Variants in PHAX observed in about 807,000 individuals in gnomAD.
PHAX encodes the protein phosphorylated adapter RNA export protein.
A neutral mutation model predicts 41.6 loss-of-function variants in PHAX; 31 were observed. The ratio of observed to expected loss-of-function variants is 0.75; its 90% confidence interval spans 0.56 to 1.01. The LOEUF is 1.01. Ranked by LOEUF, PHAX falls within the 50% of genes least tolerant of loss-of-function variation. PHAX has a pLI of 0.00. For missense variants in PHAX, 453 were observed against 472.9 expected (o/e 0.96, Z 0.39); for synonymous variants, 175 against 164.9 (o/e 1.06, Z -0.47).
At chr5:126,601,726 G>T (rs1751907323) in intron 1 of PHAX, among the ~76,000 whole-genome samples, 2 of 152,074 alleles carry the variant, frequency 1.3e-5, no homozygotes, top group Admixed American at 6.5e-5. Context: ...GAGTGCAGTG[G>T]CGCGATCTCG....
At chr5:126,623,150 A>G (rs1002091382) in intron 4 of PHAX, among the ~76,000 whole-genome samples, 2 of 152,004 alleles carry the variant, frequency 1.3e-5, no homozygotes, top group Non-Finnish European at 2.9e-5. Flanking sequence ...AAGAAAAAAA[A>G]TAAGAATGTA....
In PHAX at chr5:126,624,775, T is replaced by G; in HGVS notation, c.1116T>G (p.His372Gln). ...CTCTTGATGAGTCACAGGAAGGACA[T>G]GCAGAAGCCAAGTTGGAGGCAGAGG... Reference protein sequence around the residue: ...LASLDESQEGHAEAKLEAEEA... With the variant: ...LASLDESQEGQAEAKLEAEEA... The change falls in exon 5 of 5, where the codon CAT becomes CAG. Residue 372 changes from histidine (H) to glutamine (Q), a missense_variant. Coordinates refer to ENST00000297540, the MANE Select transcript of PHAX (RefSeq NM_032177.4). The G allele has an allele frequency of 1.2e-6, 2 of 1,613,850 alleles. No individual in the cohort carries two copies. Among genetic ancestry groups the G allele is most frequent in the Non-Finnish European group, 1.7e-6 (2 of 1,179,978 alleles).
chr5:126,604,390 G>A (rs1384759556), intron 2 of PHAX, among the ~76,000 whole-genome samples: 1 of 144,938 alleles, frequency 6.9e-6, no homozygotes, highest in African/African-American at 2.6e-5. Flanking sequence ...TCAGCCTCCT[G>A]AATAGCTGGG....
chr5:126,605,235 C>G (rs1278245742), intron 2 of PHAX, among the ~76,000 whole-genome samples: 2 of 151,844 alleles, frequency 1.3e-5, no homozygotes, highest in African/African-American at 4.8e-5. Context: ...ACAATCAGAG[C>G]TCATTGAAGC....
At chr5:126,623,944 T>A (rs910553270) in intron 4 of PHAX, among the ~76,000 whole-genome samples, 3 of 151,928 alleles carry the variant, frequency 2.0e-5, no homozygotes, top group African/African-American at 7.3e-5. Context: ...AGGTTGACAA[T>A]CCCTAATCTG....
At position 126,617,343 on chromosome 5, in the gene PHAX, A is replaced by C. The variant is rs1752201268; in HGVS notation, c.915+10A>C. 6.5e-7 allele frequency: 1 copy of C among 1,539,638 alleles called. No homozygotes were observed. Among genetic ancestry groups the C allele is most frequent in the Non-Finnish European group, 9.0e-7 (1 of 1,113,900 alleles). On this transcript the variant is annotated intron_variant, in intron 4 of 4. Transcript: ENST00000297540. The stretch of plus-strand genomic sequence containing the variant: ...CGAGGAACAAATTAAGGTAATGATA[A>C]TGTCCTCACCTCTTAAGCGCCATCA...
chr5:126,609,371 G>T (rs1241569275), intron 3 of PHAX, among the ~76,000 whole-genome samples: 1 of 152,016 alleles, frequency 6.6e-6, no homozygotes, highest in East Asian at 1.9e-4. Flanking sequence ...AAAGTGCTGG[G>T]ATTACAGGCG....
intron 2 of PHAX, among the ~76,000 whole-genome samples, chr5:126,606,319 G>A (rs557987521): frequency 3.1e-4 from 47 of 150,936 alleles, no homozygotes; most frequent in African/African-American, 9.0e-4. Flanking sequence ...CCTCAGCCTC[G>A]TGAGTAGCTG....
intron 2 of PHAX, among the ~76,000 whole-genome samples, chr5:126,604,470 G>A (rs1308859716): frequency 1.3e-5 from 2 of 151,932 alleles, no homozygotes; most frequent in Non-Finnish European, 2.9e-5. Flanking sequence ...TTGCCATGTT[G>A]TCCAAGCTAC....
chr5:126,602,119 G>A (rs2068501959), intron 1 of PHAX, among the ~76,000 whole-genome samples: 2 of 151,290 alleles, frequency 1.3e-5, no homozygotes, highest in South Asian at 4.2e-4. Flanking sequence ...CCTAATTTTT[G>A]TATTTTTAGT....
rs1227070199 is a variant in PHAX at position 126,619,602 on chromosome 5, TG to T, written c.915+2271del. 2.0e-5 allele frequency among the ~76,000 whole-genome samples: 3 copies of T among 150,468 alleles called. No individual in the cohort carries two copies. The South Asian group carries it at 6.3e-4, about 32-fold the overall frequency. Reference sequence around the variant, plus strand: ...AAAAAAAAAAAAAAAAAGTTACAGGTGGTTATCTTACAGAATATTAGGTTAC... The same window carrying T: ...AAAAAAAAAAAAAAAAAGTTACAGGTGTTATCTTACAGAATATTAGGTTAC... On this transcript the variant is annotated intron_variant, in intron 4 of 4. Coordinates refer to ENST00000297540, the MANE Select transcript of PHAX (RefSeq NM_032177.4).
intron 3 of PHAX, among the ~76,000 whole-genome samples, chr5:126,609,176 C>T (rs1287866207): frequency 7.1e-6 from 1 of 141,712 alleles, no homozygotes; most frequent in Non-Finnish European, 1.5e-5. Context: ...TCTCGGCTCA[C>T]TGCAACCTCC....
chr5:126,600,994 G>A lies in PHAX; in HGVS notation c.32G>A (p.Gly11Glu), dbSNP rs138026355. Residue 11 changes from glycine to glutamate, a missense_variant, in exon 1 of 5, where the codon GGG becomes GAG. By Grantham distance (98) the Gly-to-Glu change is moderately conservative. Coordinates refer to ENST00000297540, the MANE Select transcript of PHAX (RefSeq NM_032177.4). ...TTGGAGGTCGGCGATATGGAAGATG[G>A]GCAGCTTTCCGACTCGGATTCCGAC... Reference protein sequence around the residue: MALEVGDMEDGQLSDSDSDMT... With the variant: MALEVGDMEDEQLSDSDSDMT... The A allele has an allele frequency of 1.8e-4, 284 of 1,604,338 alleles. No individual in the cohort carries two copies. The highest frequency in any genetic ancestry group is 2.3e-4 in the Non-Finnish European group (273 of 1,175,640).
intron 4 of PHAX, among the ~76,000 whole-genome samples, chr5:126,623,365 A>C (rs182114484): frequency 6.6e-6 from 1 of 152,136 alleles, no homozygotes; most frequent in African/African-American, 2.4e-5. Flanking sequence ...GTAGCCCTGT[A>C]ATCTTGTGCC....
chr5:126,604,267 T>G, intron 2 of PHAX, 84 bp downstream of exon 2: 1 of 1,083,930 alleles, frequency 9.2e-7, no homozygotes, highest in Non-Finnish European at 1.3e-6. Context: ...ACTTTAATGA[T>G]ATGTTCCTTT....
chr5:126,608,243 T>C lies in PHAX; in HGVS notation c.711-121T>C, dbSNP rs183789833. ...ATGTCAGTGATTCCAAGATTAAATA[T>C]TGAAGATTTAGAAAACCAAAAGTTA... is the stretch of plus-strand genomic sequence containing the variant. On this transcript the variant is annotated intron_variant, in intron 2 of 4. Transcript: ENST00000297540. 7.8e-5 allele frequency: 86 copies of C among 1,101,236 alleles called. No individual in the cohort carries two copies. The African/African-American group carries it at 1.0e-3, about 13-fold the overall frequency. The allele number at this position is 1,101,236 out of a possible 1,614,324, so 68.2% of individuals were successfully genotyped here.
intron 3 of PHAX, 165 bp from the exon 4 acceptor site, chr5:126,617,085 A>G (rs746058069): frequency 8.1e-5 from 35 of 430,354 alleles, no homozygotes; most frequent in Non-Finnish European, 1.5e-4. Flanking sequence ...TGAAACTCAT[A>G]TTTCGGTAAT....
In PHAX at chr5:126,625,595, T is replaced by TTAA. The variant is rs1752336426; in HGVS notation, c.*751_*752insTAA. ...CTGGGCGACAGAGCAAGACTCTGTC[T>TTAA]CAAAAAAAAAAAAAAATACAATTAA... is the stretch of plus-strand genomic sequence containing the variant. On this transcript the variant is annotated 3_prime_UTR_variant, in exon 5 of 5. Coordinates refer to ENST00000297540, the MANE Select transcript of PHAX (RefSeq NM_032177.4). The TTAA allele has an allele frequency of 1.7e-5, 2 of 114,596 alleles. No individual in the cohort carries two copies. Among genetic ancestry groups the TTAA allele is most frequent in the African/African-American group, 8.2e-5 (2 of 24,498 alleles). The allele number at this position is 114,596 out of a possible 1,614,324, so 7.1% of individuals were successfully genotyped here.
intron 3 of PHAX, among the ~76,000 whole-genome samples, chr5:126,615,508 C>CTTTTTTTT (rs35158448): frequency 9.0e-6 from 1 of 111,540 alleles, no homozygotes; most frequent in African/African-American, 3.2e-5. Flanking sequence ...ACATTCTGTG[C>CTTTTTTTT]TTTTTTTTTT....
Sources: gnomAD v4.1 joint callset for allele counts (sites outside exome capture counted in the v4.1 genomes callset) on GRCh38, gnomAD v4.1.1 for gene constraint, MANE v1.5 for transcripts, NCBI Gene and HGNC (gene_info 2026-07-23, HGNC 2026-07-21) for gene names.